SLC9C2: variants seen among roughly 807,000 people sequenced by gnomAD.
SLC9C2 encodes solute carrier family 9 member C2 (putative), also known as sodium/hydrogen exchanger 11.
SLC9C2 carries 75 observed loss-of-function variants against 140.2 expected under a neutral mutation model. The observed-to-expected ratio is 0.53, with a 90% CI of 0.44 to 0.65. SLC9C2 has a LOEUF of 0.65. SLC9C2 is among the 30% of genes least tolerant of loss of function. The probability of loss-of-function intolerance (pLI) is 0.00; values close to 1 mark genes in which losing one functional copy is unlikely to be tolerated. For synonymous variants in SLC9C2, 375 were observed against 420.9 expected (o/e 0.89, Z 1.34); for missense variants, 1,074 against 1,331.8 (o/e 0.81, Z 3.01).
intron 7 of SLC9C2, among the ~76,000 whole-genome samples, chr1:173,577,424 A>G (rs1360348132): frequency 1.3e-5 from 2 of 152,208 alleles, no homozygotes; most frequent in Non-Finnish European, 2.9e-5. Flanking sequence ...AAATGTGTAA[A>G]TGTATTAATA....
intron 23 of SLC9C2, among the ~76,000 whole-genome samples, chr1:173,512,044 G>C (rs1660092375): frequency 6.6e-6 from 1 of 152,154 alleles, no homozygotes; most frequent in South Asian, 2.1e-4. Context: ...ATGCTATTTT[G>C]GTTACTGTAG....
rs1265006130 is a variant in SLC9C2 at position 173,503,343 on chromosome 1, A to T, written c.3311-17T>A. The T allele has an allele frequency of 6.2e-7, 1 of 1,608,806 alleles. No individual in the cohort carries two copies. The highest frequency in any genetic ancestry group is 8.5e-7 in the Non-Finnish European group (1 of 1,177,336). ...TGACTGAGGCTAACCAAATCCAAGC[A>T]TTGAACAGAAAAAGTAAATTAGGAA... On this transcript the variant is annotated splice_polypyrimidine_tract_variant and intron_variant, in intron 26 of 27. Coordinates refer to ENST00000367714, the MANE Select transcript of SLC9C2 (RefSeq NM_178527.4).
intron 13 of SLC9C2, 73 bp downstream of exon 13, chr1:173,547,616 C>T: frequency 8.7e-7 from 1 of 1,148,358 alleles, no homozygotes; most frequent in Non-Finnish European, 1.3e-6. Flanking sequence ...TTCAAGTCAT[C>T]TGAAAATCAT....
chr1:173,600,206 T>A lies in SLC9C2; in HGVS notation c.139A>T (p.Met47Leu). The change falls in exon 3 of 28, where the codon ATG (methionine) becomes TTG (leucine). Residue 47 changes from methionine (M) to leucine (L), a missense_variant. Coordinates refer to ENST00000367714, the MANE Select transcript of SLC9C2 (RefSeq NM_178527.4). ...ATGACTTCACAATTCTTTAAACACA[T>A]CTTCAAAAGCCCTAAATGTGAAAAA... ...FIVVLGGLLK[M>L]CLKNCEVIVL... is the part of the protein sequence containing the mutation. 2 of 1,610,876 alleles carry A rather than the reference T, an allele frequency of 1.2e-6. No homozygotes were observed. The highest frequency in any genetic ancestry group is 1.7e-6 in the Non-Finnish European group (2 of 1,178,224).
intron 3 of SLC9C2, 22 bp downstream of exon 3, chr1:173,600,095 T>A (rs754941643): frequency 1.3e-6 from 2 of 1,495,990 alleles, no homozygotes; most frequent in East Asian, 4.7e-5. Flanking sequence ...CTTTATTCTC[T>A]AATTTATTGT....
At chr1:173,554,982 T>C (rs1663570664) in intron 10 of SLC9C2, among the ~76,000 whole-genome samples, 168 bp from the exon 11 acceptor site, 1 of 152,246 alleles carries the variant, frequency 6.6e-6, no homozygotes, top group South Asian at 2.1e-4. Context: ...TTGTGGACAT[T>C]GCCTGAACAC....
chr1:173,503,373 A>T (rs747741748), intron 26 of SLC9C2, 47 bp from the exon 27 acceptor site: 51 of 1,533,368 alleles, frequency 3.3e-5, no homozygotes, highest in Non-Finnish European at 4.6e-5. Context: ...TAGGAATTTA[A>T]GAGTAAAGGC....
Position 173,529,108 on chromosome 1 carries a change from T to C in SLC9C2, c.2313+797A>G, listed in dbSNP as rs150728473. 7.2e-5 allele frequency among the ~76,000 whole-genome samples: 11 copies of C among 152,252 alleles called. No homozygotes were observed. In the East Asian group the frequency reaches 2.1e-3, roughly 29 times the overall value. ...AAAAAAAATTAAAAAGTTTAATAGA[T>C]GGGTTGAACAGAAGAAAGAACACAA... On this transcript the variant is annotated intron_variant, in intron 18 of 27. Coordinates refer to ENST00000367714, the MANE Select transcript of SLC9C2 (RefSeq NM_178527.4).
At chr1:173,525,049 C>T in intron 19 of SLC9C2, 122 bp from the exon 20 acceptor site, 1 of 1,118,888 alleles carries the variant, frequency 8.9e-7, no homozygotes. Flanking sequence ...TAGTTTCATG[C>T]AGAACTCATG....
chr1:173,528,678 G>A (rs73027364), intron 18 of SLC9C2, among the ~76,000 whole-genome samples: 3,070 of 152,230 alleles, frequency 0.02, 100 homozygotes, highest in African/African-American at 0.069. Context: ...AATAGGCACC[G>A]TAACCAGAAG....
At chr1:173,516,740 C>T (rs1321285343) in intron 23 of SLC9C2, among the ~76,000 whole-genome samples, 2 of 152,156 alleles carry the variant, frequency 1.3e-5, no homozygotes, top group African/African-American at 2.4e-5. Flanking sequence ...GTTGATTCCA[C>T]GTCTTTGCTG....
intron 15 of SLC9C2, 92 bp from the exon 16 acceptor site, chr1:173,534,774 T>C (rs984610614): frequency 5.4e-5 from 57 of 1,060,906 alleles, no homozygotes; most frequent in Non-Finnish European, 6.4e-6. Flanking sequence ...TTAAAATTAA[T>C]TTGAAGACTA....
At chr1:173,504,466 G>A (rs922707214) in intron 26 of SLC9C2, among the ~76,000 whole-genome samples, 3 of 152,090 alleles carry the variant, frequency 2.0e-5, no homozygotes, top group Admixed American at 6.6e-5. Context: ...ATTTGAAATC[G>A]TGCAAATCCT....
In SLC9C2 at chr1:173,521,409, A is replaced by G. The variant is rs760712757; in HGVS notation, c.2641-10T>C. 34 of 1,030,070 alleles carry G rather than the reference A, an allele frequency of 3.3e-5. No homozygotes were observed. The highest frequency in any genetic ancestry group is 1.0e-4 in the South Asian group (4 of 39,010). 63.8% of individuals were successfully genotyped at this position (1,030,070 alleles called of 1,614,324 possible). A position where few individuals can be genotyped will look rare whatever the true frequency, so the allele number is the denominator to read the frequency against. On this transcript the variant is annotated splice_polypyrimidine_tract_variant and intron_variant, in intron 21 of 27. Transcript: ENST00000367714. Reference sequence around the variant, plus strand: ...CAAGTTTGGCTCTTTCCTGAGTGGGAAAAAAAAAAACGAAAAGAAAAAGAG... The same window carrying G: ...CAAGTTTGGCTCTTTCCTGAGTGGGGAAAAAAAAAACGAAAAGAAAAAGAG...
Position 173,534,533 on chromosome 1 carries a change from G to T in SLC9C2, c.1925C>A (p.Ser642Ter). 1 of 1,590,514 alleles carries T rather than the reference G, an allele frequency of 6.3e-7. No homozygotes were observed. The highest frequency in any genetic ancestry group is 1.4e-5 in the African/African-American group (1 of 73,714). The change falls in exon 16 of 28, where the codon TCA becomes TAA. Residue 642 changes from serine (S) to a stop codon, truncating the protein, a stop_gained. Transcript: ENST00000367714. LOFTEE classifies it high-confidence loss of function. ...ARGLNVSALISINYYFMFLYV... is the reference protein window; with the variant it reads ...ARGLNVSALI ...TAAAAACATAAAATAGTAGTTTATT[G>T]ATATCAGTGCTGATACATTTAAACC...
chr1:173,529,243 T>C (rs998366770), intron 18 of SLC9C2, among the ~76,000 whole-genome samples: 8 of 152,074 alleles, frequency 5.3e-5, no homozygotes, highest in South Asian at 2.1e-4. Context: ...ATCTAAAGAA[T>C]GCGAGTCTCC....
intron 2 of SLC9C2, 31 bp from the exon 3 acceptor site, chr1:173,600,248 G>C (rs751630197): frequency 5.7e-5 from 85 of 1,483,834 alleles, no homozygotes; most frequent in Non-Finnish European, 8.0e-5. Flanking sequence ...AGTTGCATGA[G>C]TACTCGAAGT....
chr1:173,500,739 G>C lies in SLC9C2; in HGVS notation c.*355C>G, dbSNP rs1659208759. On this transcript the variant is annotated 3_prime_UTR_variant, in exon 28 of 28. Coordinates refer to ENST00000367714, the MANE Select transcript of SLC9C2 (RefSeq NM_178527.4). ...TGAAAATTACAGGTTCTATGCTTTA[G>C]AGAGTAACATATCAGTTATACAACA... 1 of 160,804 alleles carries C rather than the reference G, an allele frequency of 6.2e-6. No homozygotes were observed. The highest frequency in any genetic ancestry group is 6.4e-5 in the Admixed American group (1 of 15,536). 10.0% of individuals were successfully genotyped at this position (160,804 alleles called of 1,614,324 possible).
At chr1:173,551,072 T>G (rs1663272174) in intron 11 of SLC9C2, among the ~76,000 whole-genome samples, 1 of 140,078 alleles carries the variant, frequency 7.1e-6, no homozygotes, top group African/African-American at 2.5e-5. Flanking sequence ...CAATAGTGTT[T>G]ATGAGGCACA....
Sources: allele counts gnomAD v4.1 joint callset (sites outside exome capture counted in the v4.1 genomes callset), GRCh38; gene constraint gnomAD v4.1.1; transcripts MANE v1.5; gene names NCBI Gene and HGNC (gene_info 2026-07-23, HGNC 2026-07-21).